Variants in PNLIPRP1 observed in about 807,000 individuals in gnomAD.
PNLIPRP1 encodes the protein inactive pancreatic lipase-related protein 1.
Under a neutral mutation model 54.6 loss-of-function variants are expected in PNLIPRP1, and 57 were observed. The ratio of observed to expected loss-of-function variants is 1.04; its 90% CI spans 0.84 to 1.30. The LOEUF is 1.30. Among genes scored for constraint, PNLIPRP1 ranks in the 50% most tolerant of loss-of-function variants. PNLIPRP1 has a pLI of 0.00. For synonymous variants in PNLIPRP1, 232 were observed against 208.8 expected, an observed-to-expected ratio of 1.11 and a Z score of -0.96; for missense variants, 567 against 568.5, an observed-to-expected ratio of 1.00 and a Z score of 0.03.
rs1847763726 is a variant in PNLIPRP1 at position 116,597,872 on chromosome 10, G to A, written c.619G>A (p.Val207Met). 2 of 1,614,058 alleles carry A rather than the reference G, an allele frequency of 1.2e-6. No homozygotes were observed. Among genetic ancestry groups the A allele is most frequent in the South Asian group, 1.1e-5 (1 of 91,088 alleles). The change falls in exon 7 of 13, where the codon GTG becomes ATG. Residue 207 changes from valine (V) to methionine (M), a missense_variant. Val to Met is a conservative substitution (Grantham distance 21). Transcript: ENST00000358834. ...AAGTTTCGAGAGTACTCCTGAAGAG[G>A]TGCGACTTGATCCCTCTGATGCTGA... The part of the protein sequence containing the change: ...EASFESTPEE[V>M]RLDPSDADFV...
chr10:116,600,194 A>G (rs782581906), intron 9 of PNLIPRP1, 29 bp downstream of exon 9: 2 of 1,410,422 alleles, frequency 1.4e-6, no homozygotes, highest in Non-Finnish European at 2.0e-6. Flanking sequence ...TCGAGCAACA[A>G]GCATCACCCC....
At chr10:116,600,431 C>T in intron 9 of PNLIPRP1, 1 of 330,392 alleles carries the variant, frequency 3.0e-6, no homozygotes, top group Non-Finnish European at 5.6e-6. Context: ...AGGCTTCCTG[C>T]AGGAGGCAAC....
chr10:116,591,068 C>A, intron 1 of PNLIPRP1, 62 bp from the exon 2 acceptor site: 1 of 1,319,652 alleles, frequency 7.6e-7, no homozygotes, highest in Non-Finnish European at 1.1e-6. Flanking sequence ...AAGTCCAGGG[C>A]GTCGGTGCTC....
chr10:116,604,203 A>T, intron 11 of PNLIPRP1, 65 bp downstream of exon 11: 1 of 832,116 alleles, frequency 1.2e-6, no homozygotes, highest in South Asian at 1.5e-5. Context: ...CCACACACTT[A>T]ATTTGAACAC....
At chr10:116,595,987 T>C in intron 5 of PNLIPRP1, 1 of 476,802 alleles carries the variant, frequency 2.1e-6, no homozygotes, top group East Asian at 3.7e-5. Context: ...TGAGAGGCTA[T>C]GATGTATTCG....
intron 6 of PNLIPRP1, among the ~76,000 whole-genome samples, chr10:116,597,189 C>G (rs1243688580): frequency 6.6e-6 from 1 of 152,126 alleles, no homozygotes; most frequent in Non-Finnish European, 1.5e-5. Context: ...ATCCAAGATC[C>G]CTACTAAGAA....
In PNLIPRP1 at chr10:116,609,081, C is replaced by G; in HGVS notation, c.1369C>G (p.Arg457Gly). The G allele has an allele frequency of 2.5e-6, 4 of 1,613,250 alleles. No individual in the cohort carries two copies. The highest frequency in any genetic ancestry group is 3.4e-6 in the Non-Finnish European group (4 of 1,179,336). ...VYNFCSEDTV[R>G]EDTLLTLTPC ...CAACTTCTGTAGCGAAGACACAGTG[C>G]GGGAAGACACGCTGCTCACCCTCAC... Residue 457 changes from arginine (R) to glycine (G), a missense_variant, in exon 13 of 13, where the codon CGG becomes GGG. Coordinates refer to ENST00000358834, the MANE Select transcript of PNLIPRP1 (RefSeq NM_006229.4).
At chr10:116,604,239 T>A in intron 11 of PNLIPRP1, 101 bp downstream of exon 11, 1 of 572,358 alleles carries the variant, frequency 1.7e-6, no homozygotes, top group Non-Finnish European at 3.1e-6. Context: ...ATGTCACTGG[T>A]TTTTAATTAT....
intron 6 of PNLIPRP1, among the ~76,000 whole-genome samples, chr10:116,597,099 CTT>C (rs1554864076): frequency 6.6e-6 from 1 of 152,150 alleles, no homozygotes; most frequent in African/African-American, 2.4e-5. Context: ...AGAAATCTCT[CTT>C]TTATTTTCAG....
intron 10 of PNLIPRP1, among the ~76,000 whole-genome samples, chr10:116,602,761 GTGTA>G (rs1394093830): frequency 3.9e-5 from 6 of 152,206 alleles, no homozygotes; most frequent in Admixed American, 2.6e-4. Flanking sequence ...GAGTGTGTTT[GTGTA>G]TGTACCTTTG....
chr10:116,591,938 T>C lies in PNLIPRP1; in HGVS notation c.204+13T>C. ...AAACAACTTTCAAGTGAGACCTCTGTCATTTAAATGTCACTGTAACTGGCA... is the reference window on the plus strand; with the variant it reads ...AAACAACTTTCAAGTGAGACCTCTGCCATTTAAATGTCACTGTAACTGGCA... On this transcript the variant is annotated intron_variant, in intron 3 of 12. Coordinates refer to ENST00000358834, the MANE Select transcript of PNLIPRP1 (RefSeq NM_006229.4). 1 of 1,613,908 alleles carries C rather than the reference T, an allele frequency of 6.2e-7. No individual in the cohort carries two copies. Among genetic ancestry groups the C allele is most frequent in the Non-Finnish European group, 8.5e-7 (1 of 1,179,958 alleles).
intron 6 of PNLIPRP1, among the ~76,000 whole-genome samples, chr10:116,596,670 G>A (rs1245730210): frequency 6.6e-6 from 1 of 151,980 alleles, no homozygotes; most frequent in African/African-American, 2.4e-5. Context: ...AATCAAGGAG[G>A]GTCTATATTG....
At chr10:116,597,361 C>G (rs1847754289) in intron 6 of PNLIPRP1, among the ~76,000 whole-genome samples, 1 of 152,052 alleles carries the variant, frequency 6.6e-6, no homozygotes, top group African/African-American at 2.4e-5. Context: ...GAACCTGAAG[C>G]ACAAAAAGGT....
intron 4 of PNLIPRP1, chr10:116,592,836 G>T (rs1826725807): frequency 2.5e-6 from 1 of 405,176 alleles, no homozygotes. Context: ...ATAAGCGAGG[G>T]ACTATAGGGG....
chr10:116,596,646 C>T (rs1847742981), intron 6 of PNLIPRP1, among the ~76,000 whole-genome samples: 1 of 152,130 alleles, frequency 6.6e-6, no homozygotes, highest in Non-Finnish European at 1.5e-5. Flanking sequence ...CTAGTATGAA[C>T]ATGAGCAAAA....
chr10:116,591,763 C>G lies in PNLIPRP1; in HGVS notation c.50-8C>G. 1 of 1,613,964 alleles carries G rather than the reference C, an allele frequency of 6.2e-7. No individual in the cohort carries two copies. Among genetic ancestry groups the G allele is most frequent in the Middle Eastern group, 1.7e-4 (1 of 6,060 alleles). ...AAATCCTTGAGCAGATTCAACCTTT[C>G]TCTGTAGGAAAAGAAGTTTGCTATG... On this transcript the variant is annotated splice_region_variant and splice_polypyrimidine_tract_variant and intron_variant, in intron 2 of 12. Transcript: ENST00000358834.
At position 116,600,183 on chromosome 10, in the gene PNLIPRP1, C is replaced by G; in HGVS notation, c.933+18C>G. 6.6e-7 allele frequency: 1 copy of G among 1,517,668 alleles called. No individual in the cohort carries two copies. The highest frequency in any genetic ancestry group is 9.2e-7 in the Non-Finnish European group (1 of 1,092,186). The allele number at this position is 1,517,668 out of a possible 1,614,324, so 94.0% of individuals were successfully genotyped here. A position where few individuals can be genotyped will look rare whatever the true frequency, so the allele number is the denominator to read the frequency against. ...TTGAGTCTGTAAGCTATTGTCCTGC[C>G]TCGAGCAACAAGCATCACCCCTCTG... On this transcript the variant is annotated intron_variant, in intron 9 of 12. Transcript: ENST00000358834.
At chr10:116,599,936 A>G in intron 8 of PNLIPRP1, 111 bp from the exon 9 acceptor site, 1 of 720,290 alleles carries the variant, frequency 1.4e-6, no homozygotes, top group Admixed American at 2.2e-5. Context: ...ATTTATCTTA[A>G]GTTTCTGAAA....
intron 6 of PNLIPRP1, among the ~76,000 whole-genome samples, chr10:116,597,094 T>C (rs955275461): frequency 1.3e-5 from 2 of 152,138 alleles, no homozygotes; most frequent in Non-Finnish European, 2.9e-5. Context: ...TTATAAGAAA[T>C]CTCTCTTTTA....
Sources: allele counts gnomAD v4.1 joint callset (sites outside exome capture counted in the v4.1 genomes callset), GRCh38; gene constraint gnomAD v4.1.1; transcripts MANE v1.5; gene names NCBI Gene and HGNC (gene_info 2026-07-23, HGNC 2026-07-21).